The following UGGT2 variants were observed in gnomAD, a reference collection of about 807,000 sequenced individuals.
The protein encoded by UGGT2 is UDP-glucose:glycoprotein glucosyltransferase 2.
A neutral mutation model predicts 192.1 loss-of-function variants in UGGT2; 180 were observed. The ratio of observed to expected loss-of-function variants is 0.94; its 90% confidence interval spans 0.83 to 1.06. The LOEUF (loss-of-function observed/expected upper bound fraction) is 1.06. UGGT2 is among the 50% of genes least tolerant of loss of function. UGGT2 has a pLI of 0.00. For synonymous variants in UGGT2, 580 were observed against 591.0 expected (o/e 0.98, Z 0.27); for missense variants, 1,849 against 1,795.7 (o/e 1.03, Z -0.54).
chr13:96,048,305 T>C (rs1355509625), intron 1 of UGGT2, among the ~76,000 whole-genome samples: 1 of 152,118 alleles, frequency 6.6e-6, no homozygotes, highest in African/African-American at 2.4e-5. Context: ...AGACACAACA[T>C]ACCAGAATCT....
chr13:95,844,163 T>C (rs1888150578), intron 36 of UGGT2, among the ~76,000 whole-genome samples: 1 of 152,168 alleles, frequency 6.6e-6, no homozygotes, highest in Non-Finnish European at 1.5e-5. Context: ...AGTTTCACCA[T>C]GTTGGCCAGG....
At chr13:95,931,246 C>G (rs2049253124) in intron 17 of UGGT2, among the ~76,000 whole-genome samples, 1 of 152,192 alleles carries the variant, frequency 6.6e-6, no homozygotes, top group African/African-American at 2.4e-5. Flanking sequence ...CAGCTAGACA[C>G]AGGGTACTGA....
chr13:95,917,318 T>C (rs1347703841), intron 20 of UGGT2, among the ~76,000 whole-genome samples: 2 of 152,198 alleles, frequency 1.3e-5, no homozygotes, highest in African/African-American at 4.8e-5. Context: ...CAGAATTTCA[T>C]ATCTGGCCAA....
At chr13:95,847,122 A>AT (rs1398392053) in intron 36 of UGGT2, among the ~76,000 whole-genome samples, 1 of 116,612 alleles carries the variant, frequency 8.6e-6, no homozygotes, top group African/African-American at 3.2e-5. Flanking sequence ...TTTCTATTTA[A>AT]TTTTTTCTAA....
intron 30 of UGGT2, among the ~76,000 whole-genome samples, chr13:95,866,561 C>T (rs1003220392): frequency 3.9e-5 from 6 of 152,262 alleles, no homozygotes; most frequent in South Asian, 2.1e-4. Flanking sequence ...ACTTGGCTGA[C>T]ACAAATTTGG....
At chr13:95,956,640 T>A (rs1014485929) in intron 12 of UGGT2, among the ~76,000 whole-genome samples, 4 of 152,182 alleles carry the variant, frequency 2.6e-5, no homozygotes, top group African/African-American at 9.7e-5. Context: ...GGATGGCAAT[T>A]GCCACAAAGC....
At chr13:95,854,216 T>C (rs1399885584) in intron 35 of UGGT2, 99 bp downstream of exon 35, 3 of 1,366,132 alleles carry the variant, frequency 2.2e-6, no homozygotes, top group Non-Finnish European at 2.0e-6. Context: ...GCTTTTATTG[T>C]GTAATTTTTA....
At position 95,982,389 on chromosome 13, in the gene UGGT2, G is replaced by A. The variant is rs149763900; in HGVS notation, c.1092+1415C>T. On this transcript the variant is annotated intron_variant, in intron 10 of 38. Transcript: ENST00000376747. The stretch of plus-strand genomic sequence containing the variant: ...ACCTGGGACCAGGCATGTTCAAAAC[G>A]GCAGCTCCATCTTCCCTTCTTTCCA... 1.2e-4 allele frequency among the ~76,000 whole-genome samples: 18 copies of A among 152,256 alleles called. 1 individual carries two copies. The highest frequency in any genetic ancestry group is 3.4e-4 in the African/African-American group (14 of 41,560).
Position 95,832,955 on chromosome 13 carries a change from A to G in UGGT2, c.4500T>C (p.Asp1500=), listed in dbSNP as rs111827828. 1.2e-6 allele frequency: 2 copies of G among 1,612,740 alleles called. No homozygotes were observed. The highest frequency in any genetic ancestry group is 2.7e-5 in the African/African-American group (2 of 74,982). Reference sequence around the variant, plus strand: ...TATCTTGCTTCTTGTTTTCAAGATGATCTAATAGTTGTCTTATCTCAGCAT... The same window carrying G: ...TATCTTGCTTCTTGTTTTCAAGATGGTCTAATAGTTGTCTTATCTCAGCAT... ...EYDAEIRQLL[D]HLENKKQDTI... Residue 1500 remains aspartate, a synonymous_variant, in exon 38 of 39, where the codon GAT becomes GAC. Coordinates refer to ENST00000376747, the MANE Select transcript of UGGT2 (RefSeq NM_020121.4).
At chr13:95,941,458 C>T (rs2049677525) in intron 15 of UGGT2, among the ~76,000 whole-genome samples, 1 of 152,046 alleles carries the variant, frequency 6.6e-6, no homozygotes, top group African/African-American at 2.4e-5. Context: ...TTTTCTCCTC[C>T]TATCAAAGTA....
In UGGT2 at chr13:95,989,994, A is replaced by T. The variant is rs2051406982; in HGVS notation, c.910T>A (p.Leu304Met). The change falls in exon 8 of 39, where the codon TTG becomes ATG. Residue 304 changes from leucine (L) to methionine (M), a missense_variant. Physicochemically the swap from Leu to Met is conservative, Grantham distance 15. Transcript: ENST00000376747. ...LIESNKQMMP[L>M]KVWELQDLSF... ...ATACCTTGTAGTTCCCAGACTTTCA[A>T]AGGCATCATTTGTTTGTTACTCTCA... is the stretch of plus-strand genomic sequence containing the variant. 1 of 1,607,684 alleles carries T rather than the reference A, an allele frequency of 6.2e-7. No homozygotes were observed.
rs763601677 is a variant in UGGT2, at chr13:95,937,019, AG to A, written c.1881del (p.Phe628LeufsTer6). 7 of 1,607,310 alleles carry A rather than the reference AG, an allele frequency of 4.4e-6. No homozygotes were observed. The Admixed American group carries it at 5.2e-5, about 12-fold the overall frequency. Reference protein sequence around the residue: ...PLPQALYNGEPFKHEEMNIKE... With the variant: ...PLPQALYNGEXFKHEEMNIKE... ...TTAATATTCATCTCTTCATGTTTAA[AG>A]GGTTCACCATTATAAAGAGCTTGAG... On this transcript the variant is annotated frameshift_variant, in exon 17 of 39. Transcript: ENST00000376747. LOFTEE classifies it high-confidence loss of function.
chr13:95,881,558 C>G (rs1262250409), intron 27 of UGGT2, among the ~76,000 whole-genome samples: 2 of 151,718 alleles, frequency 1.3e-5, no homozygotes, highest in South Asian at 2.1e-4. Context: ...GGCAATCAAA[C>G]AAATTCTTTC....
At chr13:96,024,356 T>C (rs1453906257) in intron 2 of UGGT2, among the ~76,000 whole-genome samples, 1 of 152,172 alleles carries the variant, frequency 6.6e-6, no homozygotes. Context: ...GGAGGGATCC[T>C]AGAATTTAAT....
chr13:95,983,834 A>G lies in UGGT2; in HGVS notation c.1062T>C (p.His354=). The G allele has an allele frequency of 6.4e-7, 1 of 1,569,204 alleles. No individual in the cohort carries two copies. The highest frequency in any genetic ancestry group is 8.6e-7 in the Non-Finnish European group (1 of 1,157,524). Residue 354 remains histidine, a synonymous_variant, in exon 10 of 39, where the codon CAT becomes CAC. Coordinates refer to ENST00000376747, the MANE Select transcript of UGGT2 (RefSeq NM_020121.4). Reference sequence around the variant, plus strand: ...GATTTTCCTTTATTTCTTCTCTCATATGTTGATTTACAGCAATTCTGGTTA... The same window carrying G: ...GATTTTCCTTTATTTCTTCTCTCATGTGTTGATTTACAGCAATTCTGGTTA... The part of the protein sequence containing the change: ...RSLTRIAVNQ[H]MREEIKENQK...
At chr13:95,889,437 A>C (rs1003864130) in intron 25 of UGGT2, among the ~76,000 whole-genome samples, 2 of 152,172 alleles carry the variant, frequency 1.3e-5, no homozygotes, top group African/African-American at 4.8e-5. Flanking sequence ...ATTCTAAAAA[A>C]AATTGCATTT....
chr13:96,029,798 G>A (rs572442549), intron 2 of UGGT2, among the ~76,000 whole-genome samples: 4 of 152,244 alleles, frequency 2.6e-5, no homozygotes, highest in African/African-American at 9.6e-5. Flanking sequence ...AAATTTACAG[G>A]AGTAATTTTT....
intron 5 of UGGT2, among the ~76,000 whole-genome samples, chr13:96,012,490 T>C (rs2052193221): frequency 6.6e-6 from 1 of 151,912 alleles, no homozygotes; most frequent in African/African-American, 2.4e-5. Flanking sequence ...CTGCGAAGTA[T>C]GGAAGAAAAT....
At chr13:95,835,258 A>G (rs528193631) in intron 37 of UGGT2, among the ~76,000 whole-genome samples, 1 of 152,304 alleles carries the variant, frequency 6.6e-6, no homozygotes, top group South Asian at 2.1e-4. Context: ...CATGGCACAC[A>G]GGAGGGCTAC....
Sources: gnomAD v4.1 joint callset for allele counts (sites outside exome capture counted in the v4.1 genomes callset) on GRCh38, gnomAD v4.1.1 for gene constraint, MANE v1.5 for transcripts, NCBI Gene and HGNC (gene_info 2026-07-23, HGNC 2026-07-21) for gene names.